PVALB: variants seen among roughly 807,000 people sequenced by gnomAD.
The protein encoded by PVALB is parvalbumin alpha.
In PVALB, 11 loss-of-function variants were observed where a neutral mutation model predicts 10.9. The ratio of observed to expected loss-of-function variants is 1.01; its 90% CI spans 0.63 to 1.67. PVALB has a LOEUF of 1.67. Among genes scored for constraint, PVALB ranks in the 40% most tolerant of loss-of-function variants. PVALB has a pLI of 0.00. For missense variants in PVALB, 131 were observed against 136.2 expected, an observed-to-expected ratio of 0.96 and a Z score of 0.19; for synonymous variants, 57 against 50.7, an observed-to-expected ratio of 1.12 and a Z score of -0.53.
chr22:36,803,339 T>C (rs2145945123), intron 3 of PVALB, among the ~76,000 whole-genome samples: 1 of 152,338 alleles, frequency 6.6e-6, no homozygotes, highest in African/African-American at 2.4e-5. Flanking sequence ...TCATAGTCCT[T>C]GGCACTCTCT....
intron 3 of PVALB, among the ~76,000 whole-genome samples, chr22:36,810,415 C>T (rs980718013): frequency 1.3e-5 from 2 of 152,178 alleles, no homozygotes; most frequent in Admixed American, 1.3e-4. Context: ...ACCCTTCCTG[C>T]GTTAGGGGGT....
intron 3 of PVALB, among the ~76,000 whole-genome samples, chr22:36,812,141 T>C (rs1343097614): frequency 6.6e-6 from 1 of 152,112 alleles, no homozygotes; most frequent in Non-Finnish European, 1.5e-5. Context: ...CAAGCCCAAA[T>C]AGGTCTTAGG....
chr22:36,811,483 T>C (rs745835467), intron 3 of PVALB: 78 of 470,740 alleles, frequency 1.7e-4, no homozygotes, highest in Non-Finnish European at 3.3e-4. Flanking sequence ...ACCTCTTCCA[T>C]TGCCGGGCAC....
At chr22:36,809,252 G>GTTCA (rs997056906) in intron 3 of PVALB, among the ~76,000 whole-genome samples, 27 of 152,226 alleles carry the variant, frequency 1.8e-4, no homozygotes, top group South Asian at 4.1e-4. Flanking sequence ...CTGGGTACTT[G>GTTCA]TTCATTCATT....
chr22:36,812,361 G>GTTTTAAGTTTT (rs1939059526), intron 3 of PVALB, among the ~76,000 whole-genome samples: 2 of 152,272 alleles, frequency 1.3e-5, no homozygotes, highest in East Asian at 3.8e-4. Context: ...CCAATCCCTA[G>GTTTTAAGTTTT]TTTTAAGTTT....
chr22:36,805,692 G>A (rs1938938152), intron 3 of PVALB, among the ~76,000 whole-genome samples: 1 of 152,174 alleles, frequency 6.6e-6, no homozygotes, highest in Admixed American at 6.5e-5. Context: ...AATAATGCCT[G>A]TTTGGATGGC....
At chr22:36,814,562 C>T (rs1181612230) in intron 2 of PVALB, among the ~76,000 whole-genome samples, 1 of 152,038 alleles carries the variant, frequency 6.6e-6, no homozygotes, top group African/African-American at 2.4e-5. Context: ...GATGCTTTTG[C>T]AGATGGAGGC....
chr22:36,817,220 C>T (rs959848129), upstream of PVALB: 2 of 373,432 alleles, frequency 5.4e-6, no homozygotes, highest in South Asian at 1.1e-4. Flanking sequence ...AGAAGGCGCG[C>T]GGACCTGCTA....
chr22:36,816,078 G>C (rs1939134640), intron 1 of PVALB, among the ~76,000 whole-genome samples: 1 of 150,284 alleles, frequency 6.7e-6, no homozygotes, highest in Non-Finnish European at 1.5e-5. Flanking sequence ...TGTGTGTAGG[G>C]AATGGCTGTT....
At chr22:36,807,902 G>A (rs1200942325) in intron 3 of PVALB, among the ~76,000 whole-genome samples, 3 of 152,222 alleles carry the variant, frequency 2.0e-5, no homozygotes, top group South Asian at 4.1e-4. Context: ...TCAGGCATGC[G>A]AGTGAGTGGC....
intron 2 of PVALB, among the ~76,000 whole-genome samples, chr22:36,814,772 G>C (rs149824643): frequency 6.6e-6 from 1 of 152,272 alleles, no homozygotes; most frequent in Admixed American, 6.5e-5. Flanking sequence ...AATGCTTTCT[G>C]CCCTGCCTAT....
intron 3 of PVALB, among the ~76,000 whole-genome samples, chr22:36,806,388 A>T (rs1434610877): frequency 2.0e-5 from 3 of 152,134 alleles, no homozygotes; most frequent in Admixed American, 2.0e-4. Context: ...TCCCTTAGGA[A>T]ACTGAAATTA....
intron 1 of PVALB, among the ~76,000 whole-genome samples, chr22:36,815,806 G>T (rs1055313278): frequency 7.2e-5 from 11 of 152,118 alleles, no homozygotes; most frequent in African/African-American, 1.2e-4. Context: ...CAGTGGGAAG[G>T]GGGTGTTAGG....
intron 3 of PVALB, among the ~76,000 whole-genome samples, chr22:36,804,213 G>A (rs764683236): frequency 1.8e-4 from 28 of 152,178 alleles, no homozygotes; most frequent in Non-Finnish European, 3.7e-4. Context: ...TAAATAGCCC[G>A]TTGGTCACCT....
intron 3 of PVALB, among the ~76,000 whole-genome samples, chr22:36,809,472 C>T (rs528140722): frequency 1.1e-4 from 17 of 152,172 alleles, no homozygotes; most frequent in Admixed American, 3.3e-4. Context: ...ATGAATGAAG[C>T]AGGCAGCACA....
intron 2 of PVALB, 70 bp from the exon 3 acceptor site, chr22:36,813,825 G>A: frequency 8.4e-7 from 1 of 1,192,530 alleles, no homozygotes; most frequent in Non-Finnish European, 1.3e-6. Context: ...GCTGGATGGA[G>A]GGTGGTCTGG....
chr22:36,816,121 T>TAG (rs199674282), intron 1 of PVALB, among the ~76,000 whole-genome samples: 2,741 of 152,060 alleles, frequency 0.018, 42 homozygotes, highest in Non-Finnish European at 0.027. Flanking sequence ...AGCACAGGGC[T>TAG]AGAGACAAGG....
chr22:36,807,730 C>T (rs1029729018), intron 3 of PVALB, among the ~76,000 whole-genome samples: 2 of 152,130 alleles, frequency 1.3e-5, no homozygotes. Context: ...CACGGCTGAT[C>T]CCCAGCATTT....
intron 3 of PVALB, among the ~76,000 whole-genome samples, chr22:36,804,819 A>G (rs977049038): frequency 6.6e-6 from 1 of 152,150 alleles, no homozygotes; most frequent in Non-Finnish European, 1.5e-5. Context: ...CTGTAATCCC[A>G]GGTACTCAGT....
Sources: gnomAD v4.1 joint callset for allele counts (sites outside exome capture counted in the v4.1 genomes callset) on GRCh38, gnomAD v4.1.1 for gene constraint, MANE v1.5 for transcripts, NCBI Gene and HGNC (gene_info 2026-07-23, HGNC 2026-07-21) for gene names.